Variants in RCAN2 observed in about 807,000 individuals in gnomAD.
RCAN2 encodes the protein regulator of calcineurin 2.
Under a neutral mutation model 23.6 loss-of-function variants are expected in RCAN2, and 9 were observed. The ratio of observed to expected loss-of-function variants is 0.38; its 90% confidence interval spans 0.23 to 0.67. The LOEUF is 0.67. RCAN2 is among the 30% of genes least tolerant of loss of function. The probability of loss-of-function intolerance (pLI) is 0.51; values close to 1 mark genes in which losing one functional copy is unlikely to be tolerated. For missense variants in RCAN2, 273 were observed against 302.3 expected (o/e 0.90, Z 0.72); for synonymous variants, 109 against 115.7 (o/e 0.94, Z 0.37).
chr6:46,222,991 C>T lies in RCAN2; in HGVS notation c.*150G>A. ...TGATCAGGAGACATATCACCTTTTC[C>T]TAGCCCTTTTGTCCGAGAGGCTTGA... On this transcript the variant is annotated 3_prime_UTR_variant, in exon 5 of 5. Coordinates refer to ENST00000371374, the MANE Select transcript of RCAN2 (RefSeq NM_001251974.2). 1.3e-6 allele frequency: 1 copy of T among 758,704 alleles called. No homozygotes were observed. Among genetic ancestry groups the T allele is most frequent in the East Asian group, 2.5e-5 (1 of 39,644 alleles). The allele number at this position is 758,704 out of a possible 1,614,324, so 47.0% of individuals were successfully genotyped here.
chr6:46,273,456 C>A (rs191300974), intron 2 of RCAN2, among the ~76,000 whole-genome samples: 2 of 152,268 alleles, frequency 1.3e-5, no homozygotes, highest in Non-Finnish European at 2.9e-5. Context: ...ATGTTCATAA[C>A]CCTCTGAGGT....
At position 46,223,087 on chromosome 6, in the gene RCAN2, G is replaced by C; in HGVS notation, c.*54C>G. ...GGCAATTTTTTTTGACAAACAACAG[G>C]GGGAAAAAGCATGATAAAGAGGAGA... On this transcript the variant is annotated 3_prime_UTR_variant, in exon 5 of 5. Transcript: ENST00000371374. 1 of 1,583,976 alleles carries C rather than the reference G, an allele frequency of 6.3e-7. No homozygotes were observed. Among genetic ancestry groups the C allele is most frequent in the Non-Finnish European group, 8.6e-7 (1 of 1,164,200 alleles).
chr6:46,297,887 G>A (rs559737457), intron 2 of RCAN2, among the ~76,000 whole-genome samples: 53 of 152,180 alleles, frequency 3.5e-4, no homozygotes, highest in South Asian at 6.2e-4. Context: ...GAGAGAACGA[G>A]AAGGAAAAGA....
intron 2 of RCAN2, among the ~76,000 whole-genome samples, chr6:46,352,015 CCTGT>C (rs1159809066): frequency 1.3e-5 from 2 of 152,142 alleles, no homozygotes; most frequent in Non-Finnish European, 2.9e-5. Context: ...AATAATGTAA[CCTGT>C]CTAAGAATAT....
chr6:46,265,316 A>C (rs1006921021), intron 2 of RCAN2, among the ~76,000 whole-genome samples: 1 of 152,166 alleles, frequency 6.6e-6, no homozygotes, highest in Admixed American at 6.6e-5. Flanking sequence ...TGTTACAAAC[A>C]AAACTTCAGG....
chr6:46,345,619 A>T (rs538470522), intron 2 of RCAN2, among the ~76,000 whole-genome samples: 169 of 152,302 alleles, frequency 1.1e-3, no homozygotes, highest in African/African-American at 3.9e-3. Context: ...GAAGTCCACA[A>T]GGTCAAAACT....
At chr6:46,333,954 T>G (rs1169394431) in intron 2 of RCAN2, among the ~76,000 whole-genome samples, 1 of 152,170 alleles carries the variant, frequency 6.6e-6, no homozygotes, top group Admixed American at 6.5e-5. Context: ...TGGTAAAGAG[T>G]CACCTGTGTT....
chr6:46,305,974 G>T (rs1465366768), intron 2 of RCAN2, among the ~76,000 whole-genome samples: 1 of 151,062 alleles, frequency 6.6e-6, no homozygotes, highest in East Asian at 2.0e-4. Flanking sequence ...GTCCTGGTGA[G>T]CCAAGGTGCT....
At chr6:46,336,701 C>G (rs1042557769) in intron 2 of RCAN2, among the ~76,000 whole-genome samples, 16 of 152,064 alleles carry the variant, frequency 1.1e-4, no homozygotes, top group African/African-American at 3.9e-4. Flanking sequence ...GTGAATCTAT[C>G]AAAAGTTCTT....
intron 2 of RCAN2, among the ~76,000 whole-genome samples, chr6:46,452,046 T>C (rs1175630906): frequency 6.6e-6 from 1 of 152,228 alleles, no homozygotes; most frequent in Non-Finnish European, 1.5e-5. Context: ...TTATTTTGAA[T>C]AGACCACTCT....
chr6:46,380,421 T>C (rs1765590324), intron 2 of RCAN2, among the ~76,000 whole-genome samples: 2 of 152,176 alleles, frequency 1.3e-5, no homozygotes, highest in Non-Finnish European at 2.9e-5. Context: ...ACCTGCCAAA[T>C]GTTTAAAGAT....
chr6:46,298,554 G>A (rs1241965647), intron 2 of RCAN2, among the ~76,000 whole-genome samples: 1 of 151,996 alleles, frequency 6.6e-6, no homozygotes, highest in Non-Finnish European at 1.5e-5. Flanking sequence ...ATATTTTTAT[G>A]GACCTGAAGA....
At chr6:46,335,325 T>C (rs1005695298) in intron 2 of RCAN2, among the ~76,000 whole-genome samples, 1 of 152,128 alleles carries the variant, frequency 6.6e-6, no homozygotes, top group Admixed American at 6.5e-5. Context: ...CTGCCATGAG[T>C]CTCATTATTC....
At position 46,330,055 on chromosome 6, in the gene RCAN2, T is replaced by G. The variant is rs915570858; in HGVS notation, c.226-81159A>C. ...CTGTATGGCCTTCTGGATCATCTGT[T>G]TTTTAAATGTTTATTATGGAGAATT... On this transcript the variant is annotated intron_variant, in intron 2 of 4. Transcript: ENST00000371374. Among the ~76,000 whole-genome samples the G allele has an allele frequency of 9.8e-5, 15 of 152,346 alleles. No homozygotes were observed. In the East Asian group the frequency reaches 2.9e-3, roughly 29 times the overall value.
chr6:46,427,259 C>T (rs1187604993), intron 2 of RCAN2, among the ~76,000 whole-genome samples: 1 of 152,062 alleles, frequency 6.6e-6, no homozygotes, highest in Non-Finnish European at 1.5e-5. Context: ...ACTTAGTGTG[C>T]CATAGGAACT....
chr6:46,458,642 T>A (rs2150433942), intron 1 of RCAN2, among the ~76,000 whole-genome samples: 1 of 152,266 alleles, frequency 6.6e-6, no homozygotes, highest in South Asian at 2.1e-4. Context: ...AATATATGAA[T>A]ATTTTTAACT....
intron 2 of RCAN2, among the ~76,000 whole-genome samples, chr6:46,255,634 G>A (rs1266090698): frequency 6.6e-6 from 1 of 152,110 alleles, no homozygotes; most frequent in Non-Finnish European, 1.5e-5. Flanking sequence ...CTAAAGAATA[G>A]CGAGGTAAGA....
At chr6:46,414,344 T>C (rs901633506) in intron 2 of RCAN2, among the ~76,000 whole-genome samples, 2 of 152,142 alleles carry the variant, frequency 1.3e-5, no homozygotes, top group South Asian at 2.1e-4. Context: ...TTCAGACCAA[T>C]GGCTATGGGA....
At chr6:46,318,065 T>C (rs1459900727) in intron 2 of RCAN2, among the ~76,000 whole-genome samples, 1 of 152,216 alleles carries the variant, frequency 6.6e-6, no homozygotes, top group African/African-American at 2.4e-5. Flanking sequence ...TATTGATCCA[T>C]GGAGATGAAT....
Sources: gnomAD v4.1 joint callset for allele counts (sites outside exome capture counted in the v4.1 genomes callset) on GRCh38, gnomAD v4.1.1 for gene constraint, MANE v1.5 for transcripts, NCBI Gene and HGNC (gene_info 2026-07-23, HGNC 2026-07-21) for gene names.